The following IMMP2L variants were observed in gnomAD, a reference collection of about 807,000 sequenced individuals.
IMMP2L encodes the protein mitochondrial inner membrane protease subunit 2.
IMMP2L carries 18 observed loss-of-function variants against 19.3 expected under a neutral mutation model. The ratio of observed to expected loss-of-function variants is 0.93; its 90% CI spans 0.64 to 1.38. The LOEUF (loss-of-function observed/expected upper bound fraction) is 1.38, where lower values mean the gene tolerates loss of function less well. Ranked by LOEUF, IMMP2L falls within the 40% of genes most tolerant of loss-of-function variation. The pLI, the probability that IMMP2L is intolerant of heterozygous loss-of-function variation, is 0.00. For missense variants in IMMP2L, 233 were observed against 218.2 expected (o/e 1.07, Z -0.43); for synonymous variants, 76 against 73.0 (o/e 1.04, Z -0.21).
At chr7:111,486,972 A>G (rs745653733) in intron 3 of IMMP2L, among the ~76,000 whole-genome samples, 1 of 152,188 alleles carries the variant, frequency 6.6e-6, no homozygotes, top group Non-Finnish European at 1.5e-5. Context: ...TACCAAATGC[A>G]TGTATTTTTA....
chr7:110,848,309 G>A (rs1030793809), intron 5 of IMMP2L, among the ~76,000 whole-genome samples: 4 of 152,162 alleles, frequency 2.6e-5, no homozygotes, highest in Middle Eastern at 3.4e-3. Context: ...ATGTAAAGAC[G>A]TCCAACATAA....
chr7:111,227,797 C>T (rs1173498661), intron 3 of IMMP2L, among the ~76,000 whole-genome samples: 1 of 152,082 alleles, frequency 6.6e-6, no homozygotes, highest in Non-Finnish European at 1.5e-5. Flanking sequence ...TTCCTAGAAA[C>T]AGAATTCTGG....
At chr7:111,169,978 C>T (rs943986928) in intron 3 of IMMP2L, among the ~76,000 whole-genome samples, 4 of 151,680 alleles carry the variant, frequency 2.6e-5, no homozygotes, top group Admixed American at 6.6e-5. Flanking sequence ...CACGTTAATC[C>T]GGTTTCACAA....
chr7:111,024,250 A>G (rs749332190), intron 3 of IMMP2L, among the ~76,000 whole-genome samples: 10 of 152,220 alleles, frequency 6.6e-5, no homozygotes, highest in Non-Finnish European at 1.3e-4. Flanking sequence ...GTACAACTGG[A>G]TAAGTTTTGA....
intron 3 of IMMP2L, among the ~76,000 whole-genome samples, chr7:111,199,398 G>A (rs913037859): frequency 2.0e-4 from 30 of 151,948 alleles, no homozygotes; most frequent in African/African-American, 6.3e-4. Flanking sequence ...AAATATGTAC[G>A]TGGAACATGT....
chr7:111,521,434 T>C lies in IMMP2L; in HGVS notation c.14A>G (p.Gln5Arg). 1 of 1,610,998 alleles carries C rather than the reference T, an allele frequency of 6.2e-7. No individual in the cohort carries two copies. The highest frequency in any genetic ancestry group is 8.5e-7 in the Non-Finnish European group (1 of 1,178,602). The change falls in exon 2 of 6, where the codon CAA becomes CGA. Residue 5 changes from glutamine (Q) to arginine (R), a missense_variant. Gln to Arg is a conservative substitution (Grantham distance 43, BLOSUM62 1). Coordinates refer to ENST00000405709, the MANE Select transcript of IMMP2L (RefSeq NM_032549.4). MAQS[Q>R]GWVKRYIKAF... Reference sequence around the variant, plus strand: ...CTTGATGTATCTTTTCACCCACCCTTGTGACTGTGCCATACCTAAAAATAC... The same window carrying C: ...CTTGATGTATCTTTTCACCCACCCTCGTGACTGTGCCATACCTAAAAATAC...
chr7:110,669,120 G>GAGAGAGAGAGAA (rs1554389248), intron 5 of IMMP2L, among the ~76,000 whole-genome samples: 1 of 149,662 alleles, frequency 6.7e-6, no homozygotes, highest in African/African-American at 2.5e-5. Flanking sequence ...GAGAGAGAGA[G>GAGAGAGAGAGAA]AGAGAAAGAG....
At chr7:110,970,225 T>C (rs768732933) in intron 3 of IMMP2L, among the ~76,000 whole-genome samples, 16 of 152,170 alleles carry the variant, frequency 1.1e-4, no homozygotes, top group Admixed American at 7.2e-4. Flanking sequence ...CATTTAACTA[T>C]GAAAAACTTA....
At chr7:110,697,581 A>G (rs1793981233) in intron 5 of IMMP2L, among the ~76,000 whole-genome samples, 1 of 152,074 alleles carries the variant, frequency 6.6e-6, no homozygotes. Context: ...AGGTGGGAGG[A>G]TTACTTGAGC....
chr7:111,011,312 T>C (rs990099385), intron 3 of IMMP2L, among the ~76,000 whole-genome samples: 1 of 152,120 alleles, frequency 6.6e-6, no homozygotes, highest in Non-Finnish European at 1.5e-5. Flanking sequence ...TATAACTAAG[T>C]GGTCAGACTA....
intron 4 of IMMP2L, among the ~76,000 whole-genome samples, chr7:110,941,465 TTAAG>T (rs1816723679): frequency 1.3e-5 from 2 of 152,192 alleles, no homozygotes; most frequent in South Asian, 2.1e-4. Flanking sequence ...TCTTCAGTTA[TTAAG>T]TAACGGTTTG....
At chr7:111,145,550 A>G (rs1454399647) in intron 3 of IMMP2L, among the ~76,000 whole-genome samples, 1 of 152,106 alleles carries the variant, frequency 6.6e-6, no homozygotes, top group Non-Finnish European at 1.5e-5. Flanking sequence ...TGATAATAAA[A>G]TCAACAATTT....
At chr7:111,086,606 T>C (rs1796364545) in intron 3 of IMMP2L, among the ~76,000 whole-genome samples, 1 of 152,240 alleles carries the variant, frequency 6.6e-6, no homozygotes, top group Non-Finnish European at 1.5e-5. Context: ...GTAGTACTAC[T>C]ACTCACCTTA....
intron 2 of IMMP2L, among the ~76,000 whole-genome samples, chr7:111,518,910 C>T (rs1846102298): frequency 6.6e-6 from 1 of 152,072 alleles, no homozygotes; most frequent in Non-Finnish European, 1.5e-5. Context: ...TACTCCAATC[C>T]CCAATTCCCA....
chr7:110,788,240 T>C (rs1800220800), intron 5 of IMMP2L, among the ~76,000 whole-genome samples: 1 of 152,062 alleles, frequency 6.6e-6, no homozygotes, highest in South Asian at 2.1e-4. Flanking sequence ...CATTTGTTCT[T>C]GAACCCTCAC....
intron 5 of IMMP2L, among the ~76,000 whole-genome samples, chr7:110,777,210 C>T (rs1450077643): frequency 1.3e-5 from 2 of 151,960 alleles, no homozygotes; most frequent in East Asian, 1.9e-4. Flanking sequence ...TGTGCAACTA[C>T]CACAGGAGCC....
chr7:111,090,333 T>C (rs956953396), intron 3 of IMMP2L, among the ~76,000 whole-genome samples: 1 of 152,062 alleles, frequency 6.6e-6, no homozygotes, highest in African/African-American at 2.4e-5. Context: ...TTTTAAATAA[T>C]TTAACTTATT....
chr7:111,275,407 TC>T (rs1165421936), intron 3 of IMMP2L, among the ~76,000 whole-genome samples: 1 of 152,104 alleles, frequency 6.6e-6, no homozygotes, highest in Non-Finnish European at 1.5e-5. Flanking sequence ...GAATTACTGT[TC>T]CCCCAACTAG....
At chr7:111,392,126 C>A in intron 3 of IMMP2L, 1 of 620,236 alleles carries the variant, frequency 1.6e-6, no homozygotes, top group East Asian at 2.7e-5. Context: ...CCAAGGAGGA[C>A]CTCAGACAAC....
Sources: gnomAD v4.1 joint callset for allele counts (sites outside exome capture counted in the v4.1 genomes callset) on GRCh38, gnomAD v4.1.1 for gene constraint, MANE v1.5 for transcripts, NCBI Gene and HGNC (gene_info 2026-07-23, HGNC 2026-07-21) for gene names.